Variants in NIM1K observed in about 807,000 individuals in gnomAD.
NIM1K encodes NIM1 serine/threonine protein kinase.
A neutral mutation model predicts 37.1 loss-of-function variants in NIM1K; 35 were observed. The ratio of observed to expected loss-of-function variants is 0.94; its 90% CI spans 0.72 to 1.25. The LOEUF (loss-of-function observed/expected upper bound fraction) is 1.25, where lower values mean the gene tolerates loss of function less well. Among genes scored for constraint, NIM1K ranks in the 50% most tolerant of loss-of-function variants. NIM1K has a pLI of 0.00. For missense variants in NIM1K, 564 were observed against 548.0 expected (o/e 1.03, Z -0.29); for synonymous variants, 234 against 206.6 (o/e 1.13, Z -1.14).
intron 1 of NIM1K, among the ~76,000 whole-genome samples, chr5:43,220,097 T>TATAAGCAATAAAAA (rs1463241251): frequency 1.3e-5 from 2 of 152,174 alleles, no homozygotes; most frequent in African/African-American, 4.8e-5. Flanking sequence ...CTTTTATTGC[T>TATAAGCAATAAAAA]TATATTTTTG....
intron 1 of NIM1K, among the ~76,000 whole-genome samples, chr5:43,236,654 G>A (rs143046606): frequency 8.5e-5 from 13 of 152,214 alleles, no homozygotes; most frequent in African/African-American, 3.1e-4. Context: ...CTCCTGCACT[G>A]TTCTAGGCGT....
At chr5:43,274,354 G>T (rs1428133000) in intron 2 of NIM1K, among the ~76,000 whole-genome samples, 1 of 152,082 alleles carries the variant, frequency 6.6e-6, no homozygotes, top group Admixed American at 6.6e-5. Context: ...CAGGGAGGAT[G>T]GGGCAGCAGA....
intron 1 of NIM1K, chr5:43,233,188 G>C: frequency 2.6e-6 from 3 of 1,138,644 alleles, no homozygotes; most frequent in Non-Finnish European, 3.9e-6. Flanking sequence ...ACTGCTTCAC[G>C]GCTGCCGAGG....
At chr5:43,198,163 CTT>C (rs1294294041) in intron 1 of NIM1K, among the ~76,000 whole-genome samples, 1 of 51,442 alleles carries the variant, frequency 1.9e-5, no homozygotes, top group Non-Finnish European at 4.0e-5. Flanking sequence ...TTCTTTCTTT[CTT>C]TCTTTCTTTC....
At chr5:43,213,868 A>T (rs1386604372) in intron 1 of NIM1K, among the ~76,000 whole-genome samples, 1 of 151,990 alleles carries the variant, frequency 6.6e-6, no homozygotes. Flanking sequence ...ATCTCAAGTG[A>T]TCTGCCTAAC....
In NIM1K at chr5:43,240,077, T is replaced by G. The variant is rs1752678010; in HGVS notation, c.-694-5005T>G. Among the ~76,000 whole-genome samples, 2 of 151,976 alleles carry G rather than the reference T, an allele frequency of 1.3e-5. 1 individual carries two copies. The highest frequency in any genetic ancestry group is 4.8e-5 in the African/African-American group (2 of 41,248). ...TAATTGTTTCCTTTTTCTTTTCTTT[T>G]TTTCTTTCTTCTTTGAGACAGAGTC... On this transcript the variant is annotated intron_variant, in intron 1 of 3. Coordinates refer to ENST00000326035, the MANE Select transcript of NIM1K (RefSeq NM_153361.4).
At chr5:43,224,295 G>T (rs554591003) in intron 1 of NIM1K, among the ~76,000 whole-genome samples, 1 of 152,080 alleles carries the variant, frequency 6.6e-6, no homozygotes, top group South Asian at 2.1e-4. Flanking sequence ...TGCATTGCTT[G>T]GACCCCTGAA....
At chr5:43,261,617 G>C (rs1244952009) in intron 2 of NIM1K, among the ~76,000 whole-genome samples, 1 of 151,832 alleles carries the variant, frequency 6.6e-6, no homozygotes, top group Non-Finnish European at 1.5e-5. Context: ...AATTTAATTA[G>C]ATCCCATTTG....
intron 1 of NIM1K, among the ~76,000 whole-genome samples, chr5:43,228,350 G>A (rs543744756): frequency 1.3e-5 from 2 of 152,036 alleles, no homozygotes; most frequent in Admixed American, 1.3e-4. Flanking sequence ...GTTTCACCGT[G>A]TTAGCCAGGA....
At chr5:43,257,138 C>G (rs1230398939) in intron 2 of NIM1K, among the ~76,000 whole-genome samples, 1 of 151,458 alleles carries the variant, frequency 6.6e-6, no homozygotes, top group African/African-American at 2.4e-5. Flanking sequence ...GCTAAGGAGT[C>G]TTAAATGAAG....
intron 2 of NIM1K, among the ~76,000 whole-genome samples, chr5:43,273,245 C>G (rs1053745659): frequency 2.6e-5 from 4 of 151,678 alleles, no homozygotes; most frequent in Middle Eastern, 3.4e-3. Context: ...ACTCTGTCAC[C>G]TAGGCTGGAG....
At chr5:43,209,946 C>G (rs953092193) in intron 1 of NIM1K, among the ~76,000 whole-genome samples, 1 of 152,096 alleles carries the variant, frequency 6.6e-6, no homozygotes, top group Non-Finnish European at 1.5e-5. Flanking sequence ...CTGAACAATT[C>G]AAATCAATTC....
chr5:43,224,939 CT>C (rs1382416834), intron 1 of NIM1K, among the ~76,000 whole-genome samples: 1 of 152,128 alleles, frequency 6.6e-6, no homozygotes, highest in African/African-American at 2.4e-5. Context: ...TGTGATCCAC[CT>C]GCCTTGGCCT....
intron 1 of NIM1K, chr5:43,233,192 G>T: frequency 8.9e-7 from 1 of 1,128,736 alleles, no homozygotes; most frequent in Non-Finnish European, 1.3e-6. Context: ...CTTCACGGCT[G>T]CCGAGGCGAT....
intron 2 of NIM1K, among the ~76,000 whole-genome samples, chr5:43,249,239 T>A (rs1342063515): frequency 1.3e-5 from 2 of 151,770 alleles, no homozygotes; most frequent in East Asian, 3.9e-4. Context: ...CCGGCTAATT[T>A]TTTGTATTTT....
chr5:43,198,207 C>CTTTCTCTTTCTTTCTTTCTT (rs1281355308), intron 1 of NIM1K, among the ~76,000 whole-genome samples: 8 of 48,880 alleles, frequency 1.6e-4, no homozygotes, highest in East Asian at 1.4e-3. Context: ...TTCTTTCTTT[C>CTTTCTCTTTCTTTCTTTCTT]TCTTTCTTTC....
In NIM1K at chr5:43,264,476, A is replaced by G. The variant is rs190035420; in HGVS notation, c.293-12581A>G. On this transcript the variant is annotated intron_variant, in intron 2 of 3. Coordinates refer to ENST00000326035, the MANE Select transcript of NIM1K (RefSeq NM_153361.4). ...TTTTTCTGTTTTCCATTTGCTTGGT[A>G]GATCTTCCTCCATGCCTTTATTTTG... Among the ~76,000 whole-genome samples the G allele has an allele frequency of 1.5e-3, 233 of 152,282 alleles. No individual in the cohort carries two copies. In the Middle Eastern group the frequency reaches 0.017, roughly 11 times the overall value.
At chr5:43,272,084 T>C (rs1401043867) in intron 2 of NIM1K, among the ~76,000 whole-genome samples, 1 of 152,232 alleles carries the variant, frequency 6.6e-6, no homozygotes, top group Non-Finnish European at 1.5e-5. Context: ...GACATGTAGA[T>C]TCTTTGCAGT....
At chr5:43,206,394 G>A (rs1752110957) in intron 1 of NIM1K, among the ~76,000 whole-genome samples, 1 of 85,020 alleles carries the variant, frequency 1.2e-5, no homozygotes, top group Non-Finnish European at 2.7e-5. Context: ...CAGTTACTTG[G>A]GAAGCTTAAG....
Sources: allele counts gnomAD v4.1 joint callset (sites outside exome capture counted in the v4.1 genomes callset), GRCh38; gene constraint gnomAD v4.1.1; transcripts MANE v1.5; gene names NCBI Gene and HGNC (gene_info 2026-07-23, HGNC 2026-07-21).